Variants in TAOK1 observed in about 807,000 individuals in gnomAD.
TAOK1 encodes TAO kinase 1, also known as serine/threonine-protein kinase TAO1.
TAOK1 carries 21 observed loss-of-function variants against 138.3 expected under a neutral mutation model. The ratio of observed to expected loss-of-function variants is 0.15; its 90% CI spans 0.11 to 0.22. The LOEUF (loss-of-function observed/expected upper bound fraction) is 0.22. Among genes scored for constraint, TAOK1 ranks in the 10% least tolerant of loss-of-function variants. The pLI, the probability that TAOK1 is intolerant of heterozygous loss-of-function variation, is 1.00. For missense variants in TAOK1, 651 were observed against 1,227.7 expected, an observed-to-expected ratio of 0.53 and a Z score of 7.02; for synonymous variants, 361 against 398.4, an observed-to-expected ratio of 0.91 and a Z score of 1.12.
intron 2 of TAOK1, among the ~76,000 whole-genome samples, chr17:29,453,065 C>T (rs1230970757): frequency 6.6e-6 from 1 of 151,982 alleles, no homozygotes; most frequent in East Asian, 1.9e-4. Flanking sequence ...ACAGCAGCTG[C>T]ACCAGTCTTT....
chr17:29,441,728 G>A (rs893250892), intron 1 of TAOK1, among the ~76,000 whole-genome samples: 16 of 152,036 alleles, frequency 1.1e-4, no homozygotes, highest in Admixed American at 8.5e-4. Context: ...GTGAAACGCC[G>A]TCTCTACTAA....
At chr17:29,493,446 AT>A (rs1272254328) in intron 10 of TAOK1, among the ~76,000 whole-genome samples, 1 of 151,752 alleles carries the variant, frequency 6.6e-6, no homozygotes, top group Non-Finnish European at 1.5e-5. Context: ...GTGAGCTGAG[AT>A]CGCACCATTG....
chr17:29,426,363 T>G (rs1188966370), intron 1 of TAOK1, among the ~76,000 whole-genome samples: 2 of 152,152 alleles, frequency 1.3e-5, no homozygotes, highest in Non-Finnish European at 2.9e-5. Context: ...AAGTGCAATA[T>G]CAGAGATATT....
intron 15 of TAOK1, 91 bp downstream of exon 15, chr17:29,511,083 A>G: frequency 7.7e-7 from 1 of 1,293,426 alleles, no homozygotes; most frequent in South Asian, 1.8e-5. Context: ...GGATAAAATT[A>G]TCTTTTGTTG....
chr17:29,550,990 A>G lies in TAOK1; in HGVS notation c.*7968A>G, dbSNP rs1188378488. 40 of 144,130 alleles carry G rather than the reference A, an allele frequency of 2.8e-4. No homozygotes were observed. Among genetic ancestry groups the G allele is most frequent in the Non-Finnish European group, 7.8e-5 (5 of 64,228 alleles). The allele number at this position is 144,130 out of a possible 1,614,324, so 8.9% of individuals were successfully genotyped here. ...CTAAAAAAAGAAAATGCTTCAGTCA[A>G]TTGCTTTTTTATTTAAAAAAAAAAA... On this transcript the variant is annotated 3_prime_UTR_variant, in exon 20 of 20. Transcript: ENST00000261716.
chr17:29,530,643 A>G (rs375637509), intron 18 of TAOK1, 24 bp downstream of exon 18: 38 of 1,600,616 alleles, frequency 2.4e-5, no homozygotes, highest in Non-Finnish European at 3.0e-5. Flanking sequence ...TTTTGGGGCA[A>G]AACAAATTTA....
rs569110046 is a variant in TAOK1 at position 29,399,506 on chromosome 17, G to A, written c.-95+8482G>A. Among the ~76,000 whole-genome samples the A allele has an allele frequency of 2.6e-4, 40 of 152,018 alleles. No homozygotes were observed. The East Asian group carries it at 3.1e-3, about 12-fold the overall frequency. On this transcript the variant is annotated intron_variant, in intron 1 of 19. Transcript: ENST00000261716. ...AAATTTTTGTATTTTTATTAGAGAC[G>A]GGGTTTCACCGTGTTAGCCAGGATG...
At chr17:29,395,325 G>T (rs1011497974) in intron 1 of TAOK1, among the ~76,000 whole-genome samples, 4 of 151,986 alleles carry the variant, frequency 2.6e-5, no homozygotes, top group Non-Finnish European at 5.9e-5. Flanking sequence ...GAGGTCAAGA[G>T]TTCGAAACCA....
intron 13 of TAOK1, among the ~76,000 whole-genome samples, chr17:29,507,335 A>G (rs1467471498): frequency 6.6e-6 from 1 of 150,554 alleles, no homozygotes; most frequent in Non-Finnish European, 1.5e-5. Context: ...TGCTTACTCC[A>G]AGGTTATAAA....
intron 1 of TAOK1, among the ~76,000 whole-genome samples, chr17:29,427,729 C>T (rs1238306054): frequency 6.6e-6 from 1 of 151,420 alleles, no homozygotes; most frequent in African/African-American, 2.4e-5. Context: ...AAGTTCCATA[C>T]CAGCCTGGCC....
intron 1 of TAOK1, among the ~76,000 whole-genome samples, chr17:29,422,548 A>G (rs1423929920): frequency 1.3e-5 from 2 of 152,134 alleles, no homozygotes; most frequent in African/African-American, 4.8e-5. Context: ...TCGATAGTTT[A>G]TGTTTTTTCA....
At chr17:29,531,213 C>T (rs1461704109) in intron 18 of TAOK1, among the ~76,000 whole-genome samples, 3 of 151,266 alleles carry the variant, frequency 2.0e-5, no homozygotes, top group Admixed American at 6.6e-5. Context: ...GTGATCCGCC[C>T]GCCTCGGCCT....
chr17:29,422,438 T>G (rs1302755753), intron 1 of TAOK1, among the ~76,000 whole-genome samples: 1 of 150,506 alleles, frequency 6.6e-6, no homozygotes, highest in Non-Finnish European at 1.5e-5. Context: ...GGTCTCAAAC[T>G]CCTGACCATC....
At position 29,547,966 on chromosome 17, in the gene TAOK1, TA is replaced by T. The variant is rs367753945; in HGVS notation, c.*4945del. On this transcript the variant is annotated 3_prime_UTR_variant, in exon 20 of 20. Coordinates refer to ENST00000261716, the MANE Select transcript of TAOK1 (RefSeq NM_020791.4). The stretch of plus-strand genomic sequence containing the variant: ...CTGCACTTTTATGAAATCACTACAA[TA>T]GGTCTGCATTGGAAATGACTATTAA... The T allele has an allele frequency of 8.5e-5, 13 of 152,264 alleles. 1 individual carries two copies. Among genetic ancestry groups the T allele is most frequent in the African/African-American group, 2.9e-4 (12 of 41,566 alleles). 9.4% of individuals were successfully genotyped at this position (152,264 alleles called of 1,614,324 possible). A position where few individuals can be genotyped will look rare whatever the true frequency, so the allele number is the denominator to read the frequency against.
intron 19 of TAOK1, 135 bp downstream of exon 19, chr17:29,534,435 G>A: frequency 3.7e-6 from 3 of 802,772 alleles, no homozygotes; most frequent in Non-Finnish European, 5.4e-6. Context: ...TTCTAGTTAT[G>A]GCAGCAGATT....
At chr17:29,520,714 C>CA (rs1487310952) in intron 16 of TAOK1, among the ~76,000 whole-genome samples, 1 of 148,766 alleles carries the variant, frequency 6.7e-6, no homozygotes, top group Non-Finnish European at 1.5e-5. Flanking sequence ...CGTGCCCAGC[C>CA]AAAAAATTTT....
intron 1 of TAOK1, among the ~76,000 whole-genome samples, chr17:29,448,393 T>C (rs1391327697): frequency 6.6e-6 from 1 of 152,212 alleles, no homozygotes; most frequent in Non-Finnish European, 1.5e-5. Context: ...GGCATATAAC[T>C]TTTTTTCCAA....
intron 1 of TAOK1, among the ~76,000 whole-genome samples, chr17:29,403,050 A>G (rs894593714): frequency 2.0e-5 from 3 of 150,950 alleles, no homozygotes; most frequent in African/African-American, 7.3e-5. Flanking sequence ...AATCCCAGCT[A>G]CTAGGGAGCC....
intron 1 of TAOK1, among the ~76,000 whole-genome samples, chr17:29,404,530 G>A (rs983501335): frequency 2.0e-5 from 3 of 152,090 alleles, no homozygotes; most frequent in Non-Finnish European, 2.9e-5. Flanking sequence ...GATATCTTCC[G>A]CCTGTAATCC....
Sources: gnomAD v4.1 joint callset for allele counts (sites outside exome capture counted in the v4.1 genomes callset) on GRCh38, gnomAD v4.1.1 for gene constraint, MANE v1.5 for transcripts, NCBI Gene and HGNC (gene_info 2026-07-23, HGNC 2026-07-21) for gene names.